Variants in NKAIN2 observed in about 807,000 individuals in gnomAD.
NKAIN2 encodes the protein sodium/potassium-transporting ATPase subunit beta-1-interacting protein 2.
Under a neutral mutation model 32.6 loss-of-function variants are expected in NKAIN2, and 14 were observed. That is an observed-to-expected ratio of 0.43 (90% CI 0.28 to 0.67). The LOEUF (loss-of-function observed/expected upper bound fraction) is 0.67, where lower values mean the gene tolerates loss of function less well. NKAIN2 is among the 30% of genes least tolerant of loss of function. NKAIN2 has a pLI of 0.17. For synonymous variants in NKAIN2, 80 were observed against 87.2 expected, an observed-to-expected ratio of 0.92 and a Z score of 0.46; for missense variants, 198 against 258.3, an observed-to-expected ratio of 0.77 and a Z score of 1.60.
chr6:124,166,986 G>C (rs1298085562), intron 1 of NKAIN2, among the ~76,000 whole-genome samples: 1 of 151,254 alleles, frequency 6.6e-6, no homozygotes, highest in South Asian at 2.1e-4. Flanking sequence ...GCTTAGGATT[G>C]ACTTGGGGAT....
intron 3 of NKAIN2, among the ~76,000 whole-genome samples, chr6:124,477,489 G>A (rs562144730): frequency 6.6e-6 from 1 of 152,188 alleles, no homozygotes; most frequent in African/African-American, 2.4e-5. Context: ...AAAACCTTTT[G>A]CAAGGCTGCA....
chr6:124,610,884 A>G (rs2114996958), intron 3 of NKAIN2, among the ~76,000 whole-genome samples: 2 of 152,290 alleles, frequency 1.3e-5, no homozygotes, highest in South Asian at 4.1e-4. Flanking sequence ...TTATAATTCA[A>G]AAAATCTGAC....
intron 1 of NKAIN2, among the ~76,000 whole-genome samples, chr6:123,820,451 G>A (rs1226841196): frequency 6.6e-6 from 1 of 152,238 alleles, no homozygotes; most frequent in Non-Finnish European, 1.5e-5. Flanking sequence ...TGTATTATAA[G>A]TGGCCTTGAT....
chr6:124,037,393 C>T (rs1781650755), intron 1 of NKAIN2, among the ~76,000 whole-genome samples: 1 of 152,114 alleles, frequency 6.6e-6, no homozygotes, highest in Non-Finnish European at 1.5e-5. Context: ...TAATCTTTCT[C>T]TTCTTGAATG....
intron 1 of NKAIN2, among the ~76,000 whole-genome samples, chr6:123,928,148 A>G (rs989031616): frequency 1.3e-5 from 2 of 152,190 alleles, no homozygotes; most frequent in Non-Finnish European, 2.9e-5. Context: ...ACTAATGCAG[A>G]AACAAAAAAC....
rs537776198 is a variant in NKAIN2, at chr6:123,941,006, A to G, written c.54+136752A>G. ...AATTTTTTATTTCTTTATGTCCTTA[A>G]TTTATAAGCGTTTTGCTATTTTAAA... On this transcript the variant is annotated intron_variant, in intron 1 of 6. Transcript: ENST00000368417. 8.6e-5 allele frequency among the ~76,000 whole-genome samples: 13 copies of G among 151,932 alleles called. 1 individual carries two copies. The South Asian group carries it at 2.7e-3, about 32-fold the overall frequency.
intron 3 of NKAIN2, among the ~76,000 whole-genome samples, chr6:124,560,203 G>A (rs1465675245): frequency 1.3e-5 from 2 of 151,978 alleles, no homozygotes; most frequent in Non-Finnish European, 2.9e-5. Context: ...TAAATCATGG[G>A]GGCAGTTACC....
intron 1 of NKAIN2, among the ~76,000 whole-genome samples, chr6:124,145,680 T>C (rs1205831848): frequency 6.6e-6 from 1 of 152,046 alleles, no homozygotes; most frequent in Non-Finnish European, 1.5e-5. Flanking sequence ...TAATTTTTTG[T>C]ATTTTTAGTA....
chr6:124,726,137 G>A (rs1468244963), intron 4 of NKAIN2, among the ~76,000 whole-genome samples: 2 of 152,168 alleles, frequency 1.3e-5, no homozygotes, highest in African/African-American at 4.8e-5. Context: ...GGGGAGGGGC[G>A]CCCACCATTG....
chr6:123,825,864 T>C (rs1403755477), intron 1 of NKAIN2, among the ~76,000 whole-genome samples: 1 of 152,158 alleles, frequency 6.6e-6, no homozygotes, highest in Non-Finnish European at 1.5e-5. Context: ...TTTCAAGAGA[T>C]GGAATAAGTA....
chr6:124,064,101 C>T (rs1024626357), intron 1 of NKAIN2, among the ~76,000 whole-genome samples: 4 of 151,900 alleles, frequency 2.6e-5, no homozygotes, highest in Non-Finnish European at 5.9e-5. Context: ...CAGGTGCCTG[C>T]CACCATGCCC....
At chr6:124,723,617 G>A (rs1460581688) in intron 4 of NKAIN2, among the ~76,000 whole-genome samples, 1 of 152,060 alleles carries the variant, frequency 6.6e-6, no homozygotes, top group African/African-American at 2.4e-5. Context: ...AAGACCTTAG[G>A]GACCAAAATG....
At chr6:124,575,084 T>TCAA in intron 3 of NKAIN2, among the ~76,000 whole-genome samples, 1 of 152,292 alleles carries the variant, frequency 6.6e-6, no homozygotes, top group African/African-American at 2.4e-5. Context: ...TAGTTAAATC[T>TCAA]CAAAATTCTT....
At chr6:124,505,910 A>G (rs991602934) in intron 3 of NKAIN2, among the ~76,000 whole-genome samples, 1 of 152,190 alleles carries the variant, frequency 6.6e-6, no homozygotes, top group African/African-American at 2.4e-5. Context: ...GCGGTGGCTC[A>G]AGCCTGTAAT....
intron 4 of NKAIN2, among the ~76,000 whole-genome samples, chr6:124,693,948 T>G (rs1774374202): frequency 6.6e-6 from 1 of 152,186 alleles, no homozygotes; most frequent in Admixed American, 6.5e-5. Context: ...GCTTGTAAAC[T>G]GTAAGAAAAA....
rs564286752 is a variant in NKAIN2, at chr6:124,344,776, A to C, written c.193-10491A>C. Among the ~76,000 whole-genome samples the C allele has an allele frequency of 2.6e-5, 4 of 152,330 alleles. No individual in the cohort carries two copies. In the East Asian group the frequency reaches 5.8e-4, roughly 22 times the overall value. On this transcript the variant is annotated intron_variant, in intron 2 of 6. Transcript: ENST00000368417. ...CTAGATATACAATGATGTCATCTGCAAACAGGGACAATTTGACTTCCTCTT... is the reference window on the plus strand; with the variant it reads ...CTAGATATACAATGATGTCATCTGCCAACAGGGACAATTTGACTTCCTCTT...
chr6:124,535,457 T>C (rs1472620468), intron 3 of NKAIN2, among the ~76,000 whole-genome samples: 2 of 152,222 alleles, frequency 1.3e-5, no homozygotes, highest in Non-Finnish European at 2.9e-5. Context: ...ATGACAATTA[T>C]GTTATAGAAT....
chr6:124,499,827 GGGGGCAT>G (rs1301946417), intron 3 of NKAIN2, among the ~76,000 whole-genome samples: 14 of 152,174 alleles, frequency 9.2e-5, no homozygotes, highest in African/African-American at 3.4e-4. Flanking sequence ...TTTCAAGTTT[GGGGGCAT>G]TAATGATACT....
chr6:124,317,494 T>A (rs1797007787), intron 2 of NKAIN2, among the ~76,000 whole-genome samples: 1 of 152,110 alleles, frequency 6.6e-6, no homozygotes. Context: ...GAAAGATGTC[T>A]AGTATTGTGT....
Sources: allele counts gnomAD v4.1 joint callset (sites outside exome capture counted in the v4.1 genomes callset), GRCh38; gene constraint gnomAD v4.1.1; transcripts MANE v1.5; gene names NCBI Gene and HGNC (gene_info 2026-07-23, HGNC 2026-07-21).